The following GNG2 variants were observed in gnomAD, a reference collection of about 807,000 sequenced individuals.
The protein encoded by GNG2 is G protein subunit gamma 2, also known as guanine nucleotide-binding protein G(I)/G(S)/G(O) subunit gamma-2.
A neutral mutation model predicts 5.5 loss-of-function variants in GNG2; 5 were observed. The observed-to-expected ratio is 0.91, with a 90% confidence interval of 0.48 to 1.92. The LOEUF is 1.92. GNG2 is among the 30% of genes most tolerant of loss of function. The probability of loss-of-function intolerance (pLI) is 0.01; values close to 1 mark genes in which losing one functional copy is unlikely to be tolerated. For synonymous variants in GNG2, 28 were observed against 32.0 expected (o/e 0.88, Z 0.42); for missense variants, 55 against 88.4 (o/e 0.62, Z 1.52).
chr14:51,940,930 C>T (rs1374847432), intron 2 of GNG2, among the ~76,000 whole-genome samples: 3 of 152,068 alleles, frequency 2.0e-5, no homozygotes, highest in African/African-American at 7.2e-5. Flanking sequence ...GATAAGTTCA[C>T]TAGAGTTCTG....
rs1404796329 is a variant in GNG2, at chr14:51,966,226, A to G, written c.88-333A>G. ...CTGCATCTCAAAAAAAAAAAAAAAA[A>G]AAAAAAAAAAACAAATGAAGGAGAC... On this transcript the variant is annotated intron_variant, in intron 3 of 3. Transcript: ENST00000556766. Among the ~76,000 whole-genome samples, 6 of 149,210 alleles carry G rather than the reference A, an allele frequency of 4.0e-5. No homozygotes were observed. The South Asian group carries it at 6.4e-4, about 16-fold the overall frequency.
intron 2 of GNG2, among the ~76,000 whole-genome samples, chr14:51,850,292 A>G (rs1004732551): frequency 1.8e-4 from 27 of 152,048 alleles, no homozygotes; most frequent in African/African-American, 6.0e-4. Context: ...GGCTGTTAAA[A>G]TTGCCTGTTT....
intron 2 of GNG2, among the ~76,000 whole-genome samples, chr14:51,939,144 T>C (rs1312972670): frequency 6.6e-6 from 1 of 152,190 alleles, no homozygotes; most frequent in Non-Finnish European, 1.5e-5. Context: ...TTCAAAGTAT[T>C]AATCTTTTTT....
At chr14:51,874,528 T>A (rs183720332) in intron 1 of GNG2, among the ~76,000 whole-genome samples, 2 of 151,906 alleles carry the variant, frequency 1.3e-5, no homozygotes, top group East Asian at 3.9e-4. Context: ...CCCCTGAGTT[T>A]GAGACCAGCT....
intron 2 of GNG2, among the ~76,000 whole-genome samples, chr14:51,834,280 G>A (rs142501147): frequency 4.6e-5 from 7 of 152,300 alleles, no homozygotes; most frequent in Non-Finnish European, 5.9e-5. Flanking sequence ...CCCCCAGAAC[G>A]CCCCAAGGCA....
intron 2 of GNG2, among the ~76,000 whole-genome samples, chr14:51,926,722 A>G (rs1594924534): frequency 6.6e-6 from 1 of 152,068 alleles, no homozygotes; most frequent in Admixed American, 6.5e-5. Flanking sequence ...GTGAGAATGG[A>G]AGCGTCTTAG....
Position 51,938,797 on chromosome 14 carries a change from A to G in GNG2, c.-29-11853A>G, listed in dbSNP as rs573423050. 5.3e-5 allele frequency among the ~76,000 whole-genome samples: 8 copies of G among 152,352 alleles called. No individual in the cohort carries two copies. In the East Asian group the frequency reaches 9.6e-4, roughly 18 times the overall value. ...CTCATGTTATGATTTTGGAAGCCTA[A>G]GAGACCATCTAAGCAATGGCAAGGA... is the stretch of plus-strand genomic sequence containing the variant. On this transcript the variant is annotated intron_variant, in intron 2 of 3. Transcript: ENST00000556766.
At chr14:51,952,127 C>A in intron 3 of GNG2, 1 of 561,252 alleles carries the variant, frequency 1.8e-6, no homozygotes, top group East Asian at 3.0e-5. Context: ...TGCTAAGTCT[C>A]ATCAGGTATG....
chr14:51,918,037 C>CAAAAAAAAAAAA (rs34991244), intron 2 of GNG2, among the ~76,000 whole-genome samples: 1 of 93,876 alleles, frequency 1.1e-5, no homozygotes. Context: ...AAAAACAAAC[C>CAAAAAAAAAAAA]AAAAAAAAAA....
chr14:51,949,838 G>T (rs1466074100), intron 2 of GNG2, among the ~76,000 whole-genome samples: 1 of 152,170 alleles, frequency 6.6e-6, no homozygotes, highest in Admixed American at 6.5e-5. Flanking sequence ...GTCAAGAAAG[G>T]ATAAGAAGAG....
At chr14:51,951,261 C>T (rs1263579083) in intron 3 of GNG2, among the ~76,000 whole-genome samples, 1 of 152,146 alleles carries the variant, frequency 6.6e-6, no homozygotes, top group Admixed American at 6.6e-5. Flanking sequence ...CCTTGCCTCC[C>T]TAAGAAGTCA....
At chr14:51,843,627 C>T (rs573470591) in intron 2 of GNG2, among the ~76,000 whole-genome samples, 1 of 152,124 alleles carries the variant, frequency 6.6e-6, no homozygotes. Context: ...CTGCTCCTGC[C>T]CTCAACCCTA....
At chr14:51,896,512 C>T (rs1661826206) in intron 2 of GNG2, among the ~76,000 whole-genome samples, 1 of 152,122 alleles carries the variant, frequency 6.6e-6, no homozygotes, top group African/African-American at 2.4e-5. Flanking sequence ...AGAACTAAAA[C>T]CAATAGCCTA....
chr14:51,892,968 C>G (rs1884956141), intron 2 of GNG2, among the ~76,000 whole-genome samples: 1 of 152,164 alleles, frequency 6.6e-6, no homozygotes, highest in African/African-American at 2.4e-5. Context: ...ACAGAATTCA[C>G]CTAGCTTGTA....
At chr14:51,832,078 G>A (rs1881210422) in intron 2 of GNG2, among the ~76,000 whole-genome samples, 1 of 151,958 alleles carries the variant, frequency 6.6e-6, no homozygotes, top group African/African-American at 2.4e-5. Flanking sequence ...CCAGGAGTAC[G>A]AGACCAGCTT....
intron 2 of GNG2, among the ~76,000 whole-genome samples, chr14:51,921,731 T>C (rs1887025091): frequency 6.6e-6 from 1 of 152,178 alleles, no homozygotes; most frequent in Admixed American, 6.5e-5. Flanking sequence ...GGCTGAGAGG[T>C]GGATGCTCTT....
intron 2 of GNG2, chr14:51,916,637 G>A (rs2140214673): frequency 2.6e-6 from 1 of 386,732 alleles, no homozygotes; most frequent in Non-Finnish European, 5.1e-6. Context: ...AGAGCCAGGT[G>A]CTGGGAGGCC....
At chr14:51,931,270 G>A (rs1887643958) in intron 2 of GNG2, among the ~76,000 whole-genome samples, 2 of 152,190 alleles carry the variant, frequency 1.3e-5, no homozygotes, top group African/African-American at 4.8e-5. Flanking sequence ...GAAGCAAAAG[G>A]AAGCAGTAAG....
At chr14:51,870,337 G>C (rs910237581) in intron 1 of GNG2, among the ~76,000 whole-genome samples, 1 of 152,072 alleles carries the variant, frequency 6.6e-6, no homozygotes, top group Non-Finnish European at 1.5e-5. Context: ...ACTGGAGAAA[G>C]CTAGGCAAAG....
Sources: allele counts gnomAD v4.1 joint callset (sites outside exome capture counted in the v4.1 genomes callset), GRCh38; gene constraint gnomAD v4.1.1; transcripts MANE v1.5; gene names NCBI Gene and HGNC (gene_info 2026-07-23, HGNC 2026-07-21).